CNTNAP2: variants seen among roughly 807,000 people sequenced by gnomAD.
CNTNAP2 encodes the protein contactin-associated protein-like 2.
CNTNAP2 carries 98 observed loss-of-function variants against 155.2 expected under a neutral mutation model. The observed-to-expected ratio is 0.63, with a 90% CI of 0.54 to 0.75. The LOEUF (loss-of-function observed/expected upper bound fraction) is 0.75, where lower values mean the gene tolerates loss of function less well. Among genes scored for constraint, CNTNAP2 ranks in the 30% least tolerant of loss-of-function variants. CNTNAP2 has a pLI of 0.00. For missense variants in CNTNAP2, 1,727 were observed against 1,688.1 expected, an observed-to-expected ratio of 1.02 and a Z score of -0.40; for synonymous variants, 651 against 631.2, an observed-to-expected ratio of 1.03 and a Z score of -0.47.
chr7:146,337,208 C>T (rs1456978301), intron 1 of CNTNAP2, among the ~76,000 whole-genome samples: 2 of 151,746 alleles, frequency 1.3e-5, no homozygotes, highest in African/African-American at 4.8e-5. Flanking sequence ...AATGTTAGCA[C>T]TTACACAAGT....
At chr7:147,353,581 AT>A (rs1316592084) in intron 9 of CNTNAP2, among the ~76,000 whole-genome samples, 1 of 152,106 alleles carries the variant, frequency 6.6e-6, no homozygotes, top group East Asian at 1.9e-4. Flanking sequence ...AGTCTTTGCT[AT>A]TATGAACAGT....
intron 8 of CNTNAP2, among the ~76,000 whole-genome samples, chr7:147,134,940 T>C (rs1234596384): frequency 6.6e-6 from 1 of 151,894 alleles, no homozygotes; most frequent in East Asian, 1.9e-4. Context: ...AAAATTTTGG[T>C]GTACACACAC....
chr7:146,985,189 T>C (rs960501961), intron 3 of CNTNAP2, among the ~76,000 whole-genome samples: 3 of 151,810 alleles, frequency 2.0e-5, no homozygotes, highest in African/African-American at 7.3e-5. Flanking sequence ...GTGCCAGCAA[T>C]AAGTATGGGA....
chr7:147,094,529 G>A lies in CNTNAP2; in HGVS notation c.551-13618G>A, dbSNP rs575809800. Among the ~76,000 whole-genome samples the A allele has an allele frequency of 1.8e-4, 27 of 151,142 alleles. No homozygotes were observed. The East Asian group carries it at 3.7e-3, about 21-fold the overall frequency. The stretch of plus-strand genomic sequence containing the variant: ...CCATTCTCCTGCCTCAGCCTCCCGC[G>A]TAGCTGGGACTACAGGCGTCCGCCA... On this transcript the variant is annotated intron_variant, in intron 4 of 23. Transcript: ENST00000361727.
In CNTNAP2 at chr7:147,474,015, G is replaced by T. The variant is rs576513499; in HGVS notation, c.1671-11920G>T. Reference sequence around the variant, plus strand: ...AATTACTTGAACCTTGGAGGCGGAGGTTGTGGTGAGCCGAGATCGCACCAC... The same window carrying T: ...AATTACTTGAACCTTGGAGGCGGAGTTTGTGGTGAGCCGAGATCGCACCAC... On this transcript the variant is annotated intron_variant, in intron 10 of 23. Transcript: ENST00000361727. Among the ~76,000 whole-genome samples the T allele has an allele frequency of 2.0e-5, 3 of 152,012 alleles. No individual in the cohort carries two copies. In the East Asian group the frequency reaches 5.8e-4, roughly 30 times the overall value.
intron 17 of CNTNAP2, among the ~76,000 whole-genome samples, chr7:148,160,934 G>A (rs1037442155): frequency 6.6e-6 from 1 of 152,054 alleles, no homozygotes; most frequent in Non-Finnish European, 1.5e-5. Flanking sequence ...TCTACCCTCC[G>A]TAATTCTTGA....
intron 1 of CNTNAP2, among the ~76,000 whole-genome samples, chr7:146,494,858 T>A (rs1797191024): frequency 6.6e-6 from 1 of 152,242 alleles, no homozygotes; most frequent in Non-Finnish European, 1.5e-5. Context: ...TTCGATGAGC[T>A]AGCTTATGAA....
intron 10 of CNTNAP2, among the ~76,000 whole-genome samples, chr7:147,482,836 C>T (rs1476188191): frequency 6.6e-6 from 1 of 151,936 alleles, no homozygotes; most frequent in Non-Finnish European, 1.5e-5. Flanking sequence ...ACTTGAGGTC[C>T]GGAGTTCGGC....
chr7:148,259,785 A>C (rs996732605), intron 20 of CNTNAP2, among the ~76,000 whole-genome samples: 3 of 152,252 alleles, frequency 2.0e-5, no homozygotes, highest in Non-Finnish European at 4.4e-5. Flanking sequence ...ATAGACGTTA[A>C]AGCTTTAAGC....
intron 14 of CNTNAP2, among the ~76,000 whole-genome samples, chr7:147,970,960 T>C (rs1298764088): frequency 6.6e-6 from 1 of 152,192 alleles, no homozygotes; most frequent in South Asian, 2.1e-4. Flanking sequence ...AATGAATGTC[T>C]ATATAGAGGT....
intron 13 of CNTNAP2, among the ~76,000 whole-genome samples, chr7:147,666,482 T>C (rs1795699068): frequency 6.6e-6 from 1 of 152,252 alleles, no homozygotes; most frequent in African/African-American, 2.4e-5. Context: ...CAGTATATAA[T>C]GCTTGATAAT....
intron 3 of CNTNAP2, among the ~76,000 whole-genome samples, chr7:146,854,664 A>G (rs186196164): frequency 1.3e-5 from 2 of 152,334 alleles, no homozygotes; most frequent in Non-Finnish European, 2.9e-5. Flanking sequence ...CACACTTAGT[A>G]CATAGATACT....
rs150539750 is a variant in CNTNAP2, at chr7:146,395,967, G to GATA, written c.97+278995_97+278996insTAA. Among the ~76,000 whole-genome samples, 4 of 95,242 alleles carry GATA rather than the reference G, an allele frequency of 4.2e-5. 1 individual carries two copies. The highest frequency in any genetic ancestry group is 3.1e-4 in the Admixed American group (3 of 9,610). 62.5% of individuals were successfully genotyped at this position (95,242 alleles called of 152,430 possible). A position where few individuals can be genotyped will look rare whatever the true frequency, so the allele number is the denominator to read the frequency against. The stretch of plus-strand genomic sequence containing the variant: ...TTAAGTTGCATCATTCTGTAAATTG[G>GATA]AGATTATCACTTACTGTACTGTCAC... On this transcript the variant is annotated intron_variant, in intron 1 of 23. Coordinates refer to ENST00000361727, the MANE Select transcript of CNTNAP2 (RefSeq NM_014141.6).
At chr7:147,315,582 C>T (rs947315196) in intron 9 of CNTNAP2, among the ~76,000 whole-genome samples, 2 of 150,824 alleles carry the variant, frequency 1.3e-5, no homozygotes, top group African/African-American at 4.9e-5. Flanking sequence ...CCCGGGTTCA[C>T]GCCATTCTCC....
chr7:147,690,239 CA>C (rs1340592950), intron 13 of CNTNAP2, among the ~76,000 whole-genome samples: 3 of 152,168 alleles, frequency 2.0e-5, no homozygotes, highest in Admixed American at 6.5e-5. Flanking sequence ...TTTCCCTGTC[CA>C]CCAGGCAAAC....
chr7:147,977,743 T>C (rs1260646687), intron 14 of CNTNAP2, 119 bp from the exon 15 acceptor site: 22 of 1,401,630 alleles, frequency 1.6e-5, no homozygotes, highest in Non-Finnish European at 2.0e-5. Flanking sequence ...GTGGCTTTAC[T>C]TAGTAAACTT....
At chr7:146,738,841 G>GTTT (rs573424179) in intron 1 of CNTNAP2, among the ~76,000 whole-genome samples, 2,554 of 133,558 alleles carry the variant, frequency 0.019, 42 homozygotes, top group Non-Finnish European at 0.026. Context: ...AAGATTTTCT[G>GTTT]TTTTTTTTTT....
In CNTNAP2 at chr7:146,605,425, G is replaced by A. The variant is rs184096494; in HGVS notation, c.98-168846G>A. On this transcript the variant is annotated intron_variant, in intron 1 of 23. Transcript: ENST00000361727. The stretch of plus-strand genomic sequence containing the variant: ...GCCAAATTCTTAGCCACCTCATGGT[G>A]TTGCCCTAGTACCTCAACTGTATTA... Among the ~76,000 whole-genome samples the A allele has an allele frequency of 8.8e-4, 133 of 151,360 alleles. 1 individual carries two copies. The highest frequency in any genetic ancestry group is 3.0e-3 in the African/African-American group (123 of 41,366).
At chr7:147,386,746 C>A (rs1211438843) in intron 9 of CNTNAP2, among the ~76,000 whole-genome samples, 2 of 152,184 alleles carry the variant, frequency 1.3e-5, no homozygotes, top group Admixed American at 1.3e-4. Flanking sequence ...CTGTTCCAAC[C>A]TCTGCCGTCA....
Sources: allele counts gnomAD v4.1 joint callset (sites outside exome capture counted in the v4.1 genomes callset), GRCh38; gene constraint gnomAD v4.1.1; transcripts MANE v1.5; gene names NCBI Gene and HGNC (gene_info 2026-07-23, HGNC 2026-07-21).